Variants in SOX6 observed in about 807,000 individuals in gnomAD.
The protein encoded by SOX6 is transcription factor SOX-6.
In SOX6, 11 loss-of-function variants were observed where a neutral mutation model predicts 97.8. That is an observed-to-expected ratio of 0.11 (90% CI 0.07 to 0.19). The LOEUF is 0.19. SOX6 is among the 10% of genes least tolerant of loss of function. SOX6 has a pLI of 1.00. For missense variants in SOX6, 810 were observed against 1,039.5 expected (o/e 0.78, Z 3.04); for synonymous variants, 360 against 371.4 (o/e 0.97, Z 0.35).
intron 6 of SOX6, among the ~76,000 whole-genome samples, chr11:16,158,369 T>G (rs1850656311): frequency 6.6e-6 from 1 of 152,058 alleles, no homozygotes; most frequent in Non-Finnish European, 1.5e-5. Context: ...CAACTTGTTC[T>G]CTTCTGTTCA....
chr11:16,266,448 A>T (rs1396891994), intron 3 of SOX6, among the ~76,000 whole-genome samples: 2 of 151,696 alleles, frequency 1.3e-5, no homozygotes, highest in African/African-American at 2.4e-5. Flanking sequence ...AAGCAAAAAA[A>T]TTATATTGAA....
intron 4 of SOX6, among the ~76,000 whole-genome samples, chr11:16,196,641 A>G (rs1365559686): frequency 1.3e-5 from 2 of 151,906 alleles, no homozygotes; most frequent in Non-Finnish European, 2.9e-5. Flanking sequence ...CTCCTCTTCC[A>G]TACTCACTGT....
intron 4 of SOX6, among the ~76,000 whole-genome samples, chr11:16,196,380 T>G (rs1014990752): frequency 1.3e-5 from 2 of 152,222 alleles, no homozygotes; most frequent in Non-Finnish European, 2.9e-5. Flanking sequence ...ATGTCCTACC[T>G]TCTCAAAATT....
intron 6 of SOX6, among the ~76,000 whole-genome samples, chr11:16,130,462 T>C (rs1266354866): frequency 6.6e-6 from 1 of 151,948 alleles, no homozygotes; most frequent in Non-Finnish European, 1.5e-5. Context: ...ACCATAAATA[T>C]ATACAATTTT....
At chr11:16,061,420 A>G (rs1362126046) in intron 9 of SOX6, among the ~76,000 whole-genome samples, 2 of 151,838 alleles carry the variant, frequency 1.3e-5, no homozygotes, top group African/African-American at 2.4e-5. Flanking sequence ...AAAACATCCA[A>G]TGGTCATGGA....
intron 12 of SOX6, chr11:16,031,275 T>C (rs1048883623): frequency 6.6e-6 from 1 of 152,204 alleles, no homozygotes; most frequent in Non-Finnish European, 1.5e-5. Flanking sequence ...TCAGCATCCA[T>C]GTTCACTTCC....
intron 9 of SOX6, among the ~76,000 whole-genome samples, chr11:16,077,074 AC>A (rs886260530): frequency 6.6e-5 from 10 of 152,228 alleles, no homozygotes; most frequent in African/African-American, 2.2e-4. Flanking sequence ...TTTTTAAACA[AC>A]CAGATCTCAT....
At chr11:16,086,125 G>C (rs1254172640) in intron 9 of SOX6, among the ~76,000 whole-genome samples, 2 of 152,126 alleles carry the variant, frequency 1.3e-5, no homozygotes, top group Non-Finnish European at 1.5e-5. Context: ...GAAACAATAT[G>C]TTTCTATACT....
chr11:16,678,040 T>C (rs1183441344), intron 3 of SOX6, among the ~76,000 whole-genome samples: 1 of 152,220 alleles, frequency 6.6e-6, no homozygotes, highest in Non-Finnish European at 1.5e-5. Flanking sequence ...TTCTTTTATC[T>C]TTTTTCCTTA....
chr11:16,324,536 T>C (rs1184184637), intron 2 of SOX6, among the ~76,000 whole-genome samples: 4 of 152,156 alleles, frequency 2.6e-5, no homozygotes, highest in African/African-American at 9.7e-5. Context: ...TAATGTATTG[T>C]TAGTTCAAAG....
At chr11:16,440,565 G>C (rs753457833) in intron 1 of SOX6, among the ~76,000 whole-genome samples, 2 of 152,080 alleles carry the variant, frequency 1.3e-5, no homozygotes, top group Non-Finnish European at 2.9e-5. Context: ...TGAGATTATA[G>C]GCTCCTTAAT....
intron 4 of SOX6, among the ~76,000 whole-genome samples, chr11:16,584,847 G>C (rs1027700131): frequency 1.3e-5 from 2 of 152,146 alleles, no homozygotes; most frequent in African/African-American, 4.8e-5. Flanking sequence ...GCCAAGCCAG[G>C]CTGCACCTAG....
In SOX6 at chr11:15,969,973, T is replaced by C. The variant is rs1355417144; in HGVS notation, c.*2836A>G. 1 of 152,176 alleles carries C rather than the reference T, an allele frequency of 6.6e-6. No individual in the cohort carries two copies. The highest frequency in any genetic ancestry group is 2.4e-5 in the African/African-American group (1 of 41,444). The allele number at this position is 152,176 out of a possible 1,614,324, so 9.4% of individuals were successfully genotyped here. ...TTTTAAGAACATGGCTAAAAGTAAA[T>C]GAACCCCAGTACTGAGGCAGAGCTG... On this transcript the variant is annotated 3_prime_UTR_variant, in exon 16 of 16. Transcript: ENST00000683767.
chr11:16,333,335 T>C (rs1856366352), intron 2 of SOX6, among the ~76,000 whole-genome samples: 1 of 152,284 alleles, frequency 6.6e-6, no homozygotes, highest in African/African-American at 2.4e-5. Context: ...ATATAAACAT[T>C]ATTTTCTTCA....
At chr11:16,176,133 G>T (rs549021350) in intron 6 of SOX6, among the ~76,000 whole-genome samples, 1 of 151,712 alleles carries the variant, frequency 6.6e-6, no homozygotes, top group East Asian at 1.9e-4. Flanking sequence ...GAGAGAGAGA[G>T]AGATTCAACC....
At chr11:16,464,996 T>A (rs907725271) in intron 1 of SOX6, among the ~76,000 whole-genome samples, 34 of 152,236 alleles carry the variant, frequency 2.2e-4, no homozygotes, top group Non-Finnish European at 3.8e-4. Flanking sequence ...AAAAATCTCT[T>A]ATTTCAATCA....
chr11:16,273,638 AG>A (rs1319016406), intron 3 of SOX6, among the ~76,000 whole-genome samples: 1 of 152,026 alleles, frequency 6.6e-6, no homozygotes, highest in African/African-American at 2.4e-5. Context: ...AGAGGCAACC[AG>A]GAGGAAATAA....
At chr11:16,597,764 G>C (rs887330379) in intron 4 of SOX6, among the ~76,000 whole-genome samples, 2 of 151,966 alleles carry the variant, frequency 1.3e-5, no homozygotes, top group African/African-American at 4.8e-5. Flanking sequence ...AATGAAGAAA[G>C]GATGATCAAT....
chr11:16,185,010 T>A (rs1395672055), intron 5 of SOX6, among the ~76,000 whole-genome samples: 8 of 152,132 alleles, frequency 5.3e-5, no homozygotes, highest in Admixed American at 5.2e-4. Context: ...TGAAAATGAG[T>A]GTAAATCAGT....
Sources: gnomAD v4.1 joint callset for allele counts (sites outside exome capture counted in the v4.1 genomes callset) on GRCh38, gnomAD v4.1.1 for gene constraint, MANE v1.5 for transcripts, NCBI Gene and HGNC (gene_info 2026-07-23, HGNC 2026-07-21) for gene names.